Variants in CERKL observed in about 807,000 individuals in gnomAD.
CERKL encodes CERK like autophagy regulator.
A neutral mutation model predicts 63.4 loss-of-function variants in CERKL; 61 were observed. The ratio of observed to expected loss-of-function variants is 0.96; its 90% CI spans 0.78 to 1.19. CERKL has a LOEUF of 1.19. Ranked by LOEUF, CERKL falls within the 50% of genes most tolerant of loss-of-function variation. The probability of loss-of-function intolerance (pLI) is 0.00; values close to 1 mark genes in which losing one functional copy is unlikely to be tolerated. For synonymous variants in CERKL, 250 were observed against 230.5 expected, an observed-to-expected ratio of 1.08 and a Z score of -0.77; for missense variants, 675 against 655.5, an observed-to-expected ratio of 1.03 and a Z score of -0.33.
At chr2:181,602,061 G>A (rs1330543074) in intron 2 of CERKL, among the ~76,000 whole-genome samples, 4 of 152,106 alleles carry the variant, frequency 2.6e-5, no homozygotes, top group Non-Finnish European at 4.4e-5. Context: ...ATAAATATTT[G>A]GACATTGTTT....
chr2:181,548,286 G>A (rs896020300), intron 8 of CERKL: 23 of 539,624 alleles, frequency 4.3e-5, no homozygotes, highest in Non-Finnish European at 6.8e-5. Flanking sequence ...GGAAAGAAAG[G>A]GGAAGGGAAG....
chr2:181,649,703 T>C (rs562596672), intron 1 of CERKL: 10 of 152,282 alleles, frequency 6.6e-5, no homozygotes, highest in Admixed American at 5.2e-4. Context: ...ATTAAGATAA[T>C]ATCAAGTATC....
intron 1 of CERKL, among the ~76,000 whole-genome samples, chr2:181,613,937 C>T (rs980602336): frequency 6.6e-6 from 1 of 152,150 alleles, no homozygotes; most frequent in East Asian, 1.9e-4. Context: ...TGTTTTCTCA[C>T]TCTGAATATA....
At position 181,537,559 on chromosome 2, in the gene CERKL, A is replaced by C. The variant is rs1281192498; in HGVS notation, c.*625T>G. 5 of 438,896 alleles carry C rather than the reference A, an allele frequency of 1.1e-5. No individual in the cohort carries two copies. In the East Asian group the frequency reaches 2.8e-4, roughly 25 times the overall value. The allele number at this position is 438,896 out of a possible 1,614,324, so 27.2% of individuals were successfully genotyped here. A position where few individuals can be genotyped will look rare whatever the true frequency, so the allele number is the denominator to read the frequency against. On this transcript the variant is annotated 3_prime_UTR_variant, in exon 13 of 13. Transcript: ENST00000410087. ...ACTGCTCTGGATTAGGGAGCAGTGA[A>C]TCAAGGCAGACTTATGAAATCTGTA...
chr2:181,594,322 G>A (rs954832366), intron 2 of CERKL, among the ~76,000 whole-genome samples: 1 of 152,192 alleles, frequency 6.6e-6, no homozygotes, highest in African/African-American at 2.4e-5. Flanking sequence ...TTCTATCAGA[G>A]TATCAGCAGT....
At chr2:181,585,336 A>G (rs899873544) in intron 2 of CERKL, among the ~76,000 whole-genome samples, 1 of 152,124 alleles carries the variant, frequency 6.6e-6, no homozygotes, top group Admixed American at 6.6e-5. Flanking sequence ...AAAAACCCCA[A>G]ATTAAAAAAT....
chr2:181,595,764 C>T (rs1017543105), intron 2 of CERKL, among the ~76,000 whole-genome samples: 3 of 152,118 alleles, frequency 2.0e-5, no homozygotes, highest in Non-Finnish European at 4.4e-5. Context: ...ATACTATTTT[C>T]TAAGTCATGC....
chr2:181,656,555 G>A (rs1688163993), intron 1 of CERKL, among the ~76,000 whole-genome samples: 1 of 151,942 alleles, frequency 6.6e-6, no homozygotes, highest in South Asian at 2.1e-4. Context: ...AATCCCTGGG[G>A]GTTCTGGGAT....
At chr2:181,638,739 A>C (rs1687292345) in intron 1 of CERKL, among the ~76,000 whole-genome samples, 1 of 152,226 alleles carries the variant, frequency 6.6e-6, no homozygotes, top group Non-Finnish European at 1.5e-5. Context: ...ACAGCCTGTG[A>C]CAGCACAGCT....
rs373499592 is a variant in CERKL at position 181,576,350 on chromosome 2, A to G, written c.482-2466T>C. On this transcript the variant is annotated intron_variant, in intron 2 of 12. Coordinates refer to ENST00000410087, the MANE Select transcript of CERKL (RefSeq NM_201548.5). ...TTAAACTCTGTCCCTCATCACTCCA[A>G]TTATTAATACAAAGGGCACACTTTT... 3.9e-5 allele frequency among the ~76,000 whole-genome samples: 6 copies of G among 152,220 alleles called. No homozygotes were observed. In the East Asian group the frequency reaches 9.6e-4, roughly 24 times the overall value.
rs1574423735 is a variant in CERKL at position 181,537,906 on chromosome 2, C to T, written c.*278G>A. ...CAATGGAGCATTACTGAGTTCCTCC[C>T]CCTGTCAGATCAGCAGCAGCATTAG... On this transcript the variant is annotated 3_prime_UTR_variant, in exon 13 of 13. Coordinates refer to ENST00000410087, the MANE Select transcript of CERKL (RefSeq NM_201548.5). 1.8e-6 allele frequency: 1 copy of T among 567,908 alleles called. No homozygotes were observed. Among genetic ancestry groups the T allele is most frequent in the South Asian group, 1.5e-5 (1 of 65,408 alleles). The allele number at this position is 567,908 out of a possible 1,614,324, so 35.2% of individuals were successfully genotyped here. A position where few individuals can be genotyped will look rare whatever the true frequency, so the allele number is the denominator to read the frequency against.
At position 181,538,015 on chromosome 2, in the gene CERKL, G is replaced by C. The variant is rs1574424030; in HGVS notation, c.*169C>G. ...TGTTCCTCAAGAGAATCTAATGCCT[G>C]ATGATCTGAGGTGGAACAGTTCATC... On this transcript the variant is annotated 3_prime_UTR_variant, in exon 13 of 13. Transcript: ENST00000410087. 2 of 688,194 alleles carry C rather than the reference G, an allele frequency of 2.9e-6. No homozygotes were observed. Among genetic ancestry groups the C allele is most frequent in the East Asian group, 2.8e-5 (1 of 35,922 alleles). The allele number at this position is 688,194 out of a possible 1,614,324, so 42.6% of individuals were successfully genotyped here.
chr2:181,625,636 G>C (rs1214617237), intron 1 of CERKL, among the ~76,000 whole-genome samples: 1 of 152,126 alleles, frequency 6.6e-6, no homozygotes, highest in Non-Finnish European at 1.5e-5. Flanking sequence ...TCTCAGAAAG[G>C]ACACTGGTGT....
chr2:181,586,150 T>C (rs1286249799), intron 2 of CERKL, among the ~76,000 whole-genome samples: 2 of 152,120 alleles, frequency 1.3e-5, no homozygotes, highest in African/African-American at 4.8e-5. Flanking sequence ...AAAAAGCCTT[T>C]AGATTGCAAG....
intron 4 of CERKL, among the ~76,000 whole-genome samples, chr2:181,565,693 C>T (rs1688635787): frequency 6.6e-6 from 1 of 152,094 alleles, no homozygotes; most frequent in African/African-American, 2.4e-5. Flanking sequence ...AAAAGAAGAT[C>T]ATCATATAGT....
chr2:181,594,233 G>A (rs1685102704), intron 2 of CERKL, among the ~76,000 whole-genome samples: 1 of 152,160 alleles, frequency 6.6e-6, no homozygotes, highest in African/African-American at 2.4e-5. Context: ...ACTAATCTCT[G>A]TGCTAAGAAG....
chr2:181,603,564 T>TG (rs1317730644), intron 2 of CERKL, among the ~76,000 whole-genome samples: 1 of 152,054 alleles, frequency 6.6e-6, no homozygotes, highest in Non-Finnish European at 1.5e-5. Context: ...CCATGGCCAT[T>TG]GGGGAGTTAT....
chr2:181,614,649 A>G (rs556779733), intron 1 of CERKL, among the ~76,000 whole-genome samples: 2 of 152,324 alleles, frequency 1.3e-5, no homozygotes, highest in East Asian at 1.9e-4. Context: ...CTTCTGTTAT[A>G]GTACAAGTTT....
chr2:181,543,941 G>A (rs1003164419), intron 11 of CERKL, among the ~76,000 whole-genome samples: 3 of 138,648 alleles, frequency 2.2e-5, no homozygotes, highest in South Asian at 2.3e-4. Context: ...CAGACATCAC[G>A]CCACTGCACT....
Sources: allele counts gnomAD v4.1 joint callset (sites outside exome capture counted in the v4.1 genomes callset), GRCh38; gene constraint gnomAD v4.1.1; transcripts MANE v1.5; gene names NCBI Gene and HGNC (gene_info 2026-07-23, HGNC 2026-07-21).